The following SLMAP variants were observed in gnomAD, a reference collection of about 807,000 sequenced individuals.
The protein encoded by SLMAP is sarcolemmal membrane-associated protein.
A neutral mutation model predicts 128.8 loss-of-function variants in SLMAP; 44 were observed. That is an observed-to-expected ratio of 0.34 (90% confidence interval 0.27 to 0.44). SLMAP has a LOEUF of 0.44. Ranked by LOEUF, SLMAP falls within the 20% of genes least tolerant of loss-of-function variation. The probability of loss-of-function intolerance (pLI) is 1.00; values close to 1 mark genes in which losing one functional copy is unlikely to be tolerated. For missense variants in SLMAP, 787 were observed against 985.3 expected, an observed-to-expected ratio of 0.80 and a Z score of 2.69; for synonymous variants, 327 against 348.8, an observed-to-expected ratio of 0.94 and a Z score of 0.70.
intron 2 of SLMAP, among the ~76,000 whole-genome samples, chr3:57,775,427 C>T (rs988932176): frequency 7.1e-6 from 1 of 141,756 alleles, no homozygotes; most frequent in Non-Finnish European, 1.5e-5. Flanking sequence ...AATTCCAACA[C>T]TTTGGAAGGC....
chr3:57,918,116 T>G (rs1413041760), intron 22 of SLMAP: 1 of 152,242 alleles, frequency 6.6e-6, no homozygotes, highest in Non-Finnish European at 1.5e-5. Flanking sequence ...TTTTGTGATG[T>G]GTTCGTTTTT....
rs2095394613 is a variant in SLMAP at position 57,868,967 on chromosome 3, G to A, written c.1238-2669G>A. Among the ~76,000 whole-genome samples, 6 of 129,388 alleles carry A rather than the reference G, an allele frequency of 4.6e-5. No individual in the cohort carries two copies. The South Asian group carries it at 1.4e-3, about 30-fold the overall frequency. The allele number at this position is 129,388 out of a possible 152,430, so 84.9% of individuals were successfully genotyped here. On this transcript the variant is annotated intron_variant, in intron 13 of 24. Coordinates refer to ENST00000671191, the MANE Select transcript of SLMAP (RefSeq NM_001377540.1). ...TGTGTATTATATATAATATATGTGT[G>A]TATTATATATAATATATATTATATA...
At chr3:57,834,294 A>G (rs1329459442) in intron 3 of SLMAP, among the ~76,000 whole-genome samples, 2 of 152,184 alleles carry the variant, frequency 1.3e-5, no homozygotes, top group African/African-American at 4.8e-5. Flanking sequence ...ACAAACCCAG[A>G]TGCTGGTTCT....
intron 14 of SLMAP, among the ~76,000 whole-genome samples, chr3:57,875,902 T>A (rs1020199547): frequency 2.0e-5 from 3 of 152,246 alleles, no homozygotes; most frequent in Non-Finnish European, 4.4e-5. Flanking sequence ...GCAAATATCT[T>A]AAGTAAATTT....
chr3:57,923,697 A>T (rs1559583968), intron 23 of SLMAP, among the ~76,000 whole-genome samples: 1 of 152,084 alleles, frequency 6.6e-6, no homozygotes, highest in Non-Finnish European at 1.5e-5. Flanking sequence ...TTGTGCTCTG[A>T]CTTATTTAAA....
chr3:57,823,703 AG>A (rs2153534392), intron 2 of SLMAP, among the ~76,000 whole-genome samples: 1 of 152,330 alleles, frequency 6.6e-6, no homozygotes, highest in South Asian at 2.1e-4. Flanking sequence ...TCTTTATAGC[AG>A]CATGATTTAT....
rs1187561974 is a variant in SLMAP at position 57,756,660 on chromosome 3, G to C, written c.-992G>C. On this transcript the variant is annotated 5_prime_UTR_variant, in exon 2 of 25. Coordinates refer to ENST00000671191, the MANE Select transcript of SLMAP (RefSeq NM_001377540.1). ...GCCTCAAGGCCTCTCCCCAACCTCC[G>C]GGCCAGTCTCCCTCCCCCACCTTCT... The C allele has an allele frequency of 6.6e-6, 1 of 152,304 alleles. No individual in the cohort carries two copies. The highest frequency in any genetic ancestry group is 1.5e-5 in the Non-Finnish European group (1 of 68,148). The allele number at this position is 152,304 out of a possible 1,614,324, so 9.4% of individuals were successfully genotyped here. A position where few individuals can be genotyped will look rare whatever the true frequency, so the allele number is the denominator to read the frequency against.
intron 2 of SLMAP, among the ~76,000 whole-genome samples, chr3:57,792,887 C>G (rs1027404673): frequency 6.6e-6 from 1 of 152,046 alleles, no homozygotes; most frequent in Non-Finnish European, 1.5e-5. Flanking sequence ...CCTGTAATCC[C>G]AGCACTTTGA....
intron 13 of SLMAP, among the ~76,000 whole-genome samples, chr3:57,866,135 T>C (rs912021431): frequency 6.6e-6 from 1 of 152,034 alleles, no homozygotes; most frequent in Admixed American, 6.6e-5. Flanking sequence ...AGCCAGGCAT[T>C]GTGGTGTGCG....
At chr3:57,817,929 A>G (rs561139484) in intron 2 of SLMAP, among the ~76,000 whole-genome samples, 4 of 152,306 alleles carry the variant, frequency 2.6e-5, no homozygotes, top group East Asian at 3.9e-4. Flanking sequence ...CATTGTGACT[A>G]TAGATAGGTC....
chr3:57,896,464 A>T, intron 15 of SLMAP, 47 bp from the exon 16 acceptor site: 1 of 1,528,120 alleles, frequency 6.5e-7, no homozygotes, highest in Non-Finnish European at 8.8e-7. Context: ...TATTGATATA[A>T]GATATTTAAC....
intron 14 of SLMAP, among the ~76,000 whole-genome samples, chr3:57,883,324 A>G (rs771160116): frequency 3.3e-5 from 5 of 152,186 alleles, no homozygotes; most frequent in African/African-American, 4.8e-5. Flanking sequence ...ACAATGGACA[A>G]TAGGGTCCTG....
At position 57,872,607 on chromosome 3, in the gene SLMAP, A is replaced by G. The variant is rs554784790; in HGVS notation, c.1300+909A>G. Among the ~76,000 whole-genome samples, 4 of 152,360 alleles carry G rather than the reference A, an allele frequency of 2.6e-5. No homozygotes were observed. In the South Asian group the frequency reaches 8.3e-4, roughly 32 times the overall value. ...GCACTCCAGCCTGGATGACAAGAGC[A>G]AGACTGTATCTCCAAAGACAGACAA... is the stretch of plus-strand genomic sequence containing the variant. On this transcript the variant is annotated intron_variant, in intron 14 of 24. Transcript: ENST00000671191.
At chr3:57,816,497 G>A (rs991012552) in intron 2 of SLMAP, among the ~76,000 whole-genome samples, 4 of 152,186 alleles carry the variant, frequency 2.6e-5, no homozygotes, top group South Asian at 2.1e-4. Flanking sequence ...TTATTTGGAT[G>A]TAATACAGTA....
chr3:57,776,522 CTTTTTTTTTTT>C (rs1553775402), intron 2 of SLMAP, among the ~76,000 whole-genome samples: 6 of 92,610 alleles, frequency 6.5e-5, no homozygotes, highest in African/African-American at 9.4e-5. Context: ...CTCTCTCTCT[CTTTTTTTTTTT>C]TTTTTTTTTT....
intron 2 of SLMAP, among the ~76,000 whole-genome samples, chr3:57,772,386 G>T (rs575515040): frequency 6.6e-6 from 1 of 152,202 alleles, no homozygotes; most frequent in Non-Finnish European, 1.5e-5. Flanking sequence ...AAGGGGATTG[G>T]GTTGTTTTCA....
At chr3:57,794,492 G>A (rs548327775) in intron 2 of SLMAP, among the ~76,000 whole-genome samples, 1 of 152,182 alleles carries the variant, frequency 6.6e-6, no homozygotes, top group East Asian at 1.9e-4. Flanking sequence ...GTGGTCTTTA[G>A]TATATTCACA....
intron 2 of SLMAP, among the ~76,000 whole-genome samples, chr3:57,781,003 C>CAT (rs150701349): frequency 2.1e-4 from 32 of 150,872 alleles, no homozygotes; most frequent in South Asian, 1.0e-3. Context: ...TATGTATGCA[C>CAT]ATATATATAT....
chr3:57,791,710 G>C (rs1391075215), intron 2 of SLMAP, among the ~76,000 whole-genome samples: 1 of 151,946 alleles, frequency 6.6e-6, no homozygotes, highest in Non-Finnish European at 1.5e-5. Context: ...ATCTGAATTG[G>C]CTCAGATTAA....
Sources: gnomAD v4.1 joint callset for allele counts (sites outside exome capture counted in the v4.1 genomes callset) on GRCh38, gnomAD v4.1.1 for gene constraint, MANE v1.5 for transcripts, NCBI Gene and HGNC (gene_info 2026-07-23, HGNC 2026-07-21) for gene names.